The following FOLR1 variants were observed in gnomAD, a reference collection of about 807,000 sequenced individuals.
FOLR1 encodes KB cells FBP.
Under a neutral mutation model 22.8 loss-of-function variants are expected in FOLR1, and 11 were observed. The ratio of observed to expected loss-of-function variants is 0.48; its 90% CI spans 0.30 to 0.80. The LOEUF (loss-of-function observed/expected upper bound fraction) is 0.80. Ranked by LOEUF, FOLR1 falls within the 30% of genes least tolerant of loss-of-function variation. FOLR1 has a pLI of 0.06. For synonymous variants in FOLR1, 108 were observed against 116.5 expected, an observed-to-expected ratio of 0.93 and a Z score of 0.47; for missense variants, 273 against 320.3, an observed-to-expected ratio of 0.85 and a Z score of 1.13.
At chr11:72,190,923 G>A (rs150725298), upstream of FOLR1, among the ~76,000 whole-genome samples, 457 of 152,334 alleles carry the variant, frequency 3.0e-3, 4 homozygotes, top group African/African-American at 0.01. Flanking sequence ...GCTTGTGAGC[G>A]GGAAAGGCAT....
upstream of FOLR1, chr11:72,192,049 G>T (rs1948162764): frequency 7.8e-6 from 8 of 1,023,450 alleles, no homozygotes; most frequent in Non-Finnish European, 1.2e-5. Flanking sequence ...GGAGATGGGG[G>T]CAGGGCTCTA....
At chr11:72,194,852 T>G (rs1483510890) in intron 1 of FOLR1, among the ~76,000 whole-genome samples, 1 of 152,194 alleles carries the variant, frequency 6.6e-6, no homozygotes, top group African/African-American at 2.4e-5. Flanking sequence ...ACAATTTAAA[T>G]TGCTTTTTTA....
At position 72,192,280 on chromosome 11, in the gene FOLR1, T is replaced by C; in HGVS notation, c.107T>C (p.Val36Ala). 1 of 1,614,046 alleles carries C rather than the reference T, an allele frequency of 6.2e-7. No individual in the cohort carries two copies. The highest frequency in any genetic ancestry group is 8.5e-7 in the Non-Finnish European group (1 of 1,179,994). ...IAWARTELLN[V>A]CMNAKHHKEK... ...TGGGCCAGGACTGAGCTTCTCAATG[T>C]CTGCATGAACGCCAAGCACCACAAG... The change falls in exon 1 of 4, where the codon GTC becomes GCC. Residue 36 changes from valine (V) to alanine (A), a missense_variant. By Grantham distance (64) the Val-to-Ala change is moderately conservative. Transcript: ENST00000393676.
chr11:72,195,834 G>T (rs1948223578), intron 3 of FOLR1, 63 bp from the exon 4 acceptor site: 25 of 1,613,976 alleles, frequency 1.5e-5, no homozygotes, highest in Non-Finnish European at 2.0e-5. Context: ...TGGAGTTGTA[G>T]GGCTGGCAGA....
At chr11:72,193,664 G>A (rs1202057129) in intron 1 of FOLR1, among the ~76,000 whole-genome samples, 1 of 152,126 alleles carries the variant, frequency 6.6e-6, no homozygotes. Context: ...GTTTCACCAT[G>A]TTGGCCAGGC....
At position 72,195,865 on chromosome 11, in the gene FOLR1, C is replaced by T. The variant is rs181863843; in HGVS notation, c.494-32C>T. 9.3e-6 allele frequency: 15 copies of T among 1,614,164 alleles called. No homozygotes were observed. In the East Asian group the frequency reaches 2.7e-4, roughly 29 times the overall value. The stretch of plus-strand genomic sequence containing the variant: ...GCAGACCTCAAGATAGTTCCGGGCC[C>T]AGTGGCTAAAGGTCTTCCCTCCTCT... On this transcript the variant is annotated intron_variant, in intron 3 of 3. Transcript: ENST00000393676.
intron 1 of FOLR1, among the ~76,000 whole-genome samples, chr11:72,194,794 C>T (rs1320889571): frequency 2.6e-5 from 4 of 152,240 alleles, no homozygotes; most frequent in Admixed American, 2.6e-4. Context: ...CTTGGCCTCC[C>T]AAAGTGCTGG....
At chr11:72,192,467 G>C (rs985605209) in intron 1 of FOLR1, 126 bp downstream of exon 1, 2 of 936,320 alleles carry the variant, frequency 2.1e-6, no homozygotes, top group African/African-American at 3.2e-5. Flanking sequence ...GCATTAATAT[G>C]GGTGACTATT....
chr11:72,189,813 A>G (rs1292655486), upstream of FOLR1: 1 of 152,186 alleles, frequency 6.6e-6, no homozygotes, highest in African/African-American at 2.4e-5. Context: ...TGGCATTCCC[A>G]CCATGTGTTA....
chr11:72,195,491 A>C lies in FOLR1; in HGVS notation c.357+32A>C, dbSNP rs771232058. On this transcript the variant is annotated intron_variant, in intron 2 of 3. Coordinates refer to ENST00000393676, the MANE Select transcript of FOLR1 (RefSeq NM_016729.3). ...ATGGCTTCCTGCAGGTACAAGACCT[A>C]GCGGAGCAGCTGAGCTTTCCAGGCA... The C allele has an allele frequency of 3.4e-5, 55 of 1,613,744 alleles. 1 individual carries two copies. The East Asian group carries it at 1.2e-3, about 35-fold the overall frequency.
At position 72,192,351 on chromosome 11, in the gene FOLR1, G is replaced by C. The variant is rs781049347; in HGVS notation, c.168+10G>C. On this transcript the variant is annotated intron_variant, in intron 1 of 3. Coordinates refer to ENST00000393676, the MANE Select transcript of FOLR1 (RefSeq NM_016729.3). ...CAAGTTGCATGAGCAGGTGGGCCAG[G>C]GGGTGATCTGGGGTGGTGAGGGACT... 6.2e-7 allele frequency: 1 copy of C among 1,613,612 alleles called. No homozygotes were observed. Among genetic ancestry groups the C allele is most frequent in the Admixed American group, 1.7e-5 (1 of 59,990 alleles).
chr11:72,192,107 A>G, upstream of FOLR1: 1 of 1,590,968 alleles, frequency 6.3e-7, no homozygotes, highest in Admixed American at 1.7e-5. Flanking sequence ...AGCCCTGCAC[A>G]CAACTTAAGG....
chr11:72,190,028 G>A (rs1250388156), upstream of FOLR1, among the ~76,000 whole-genome samples: 2 of 152,228 alleles, frequency 1.3e-5, no homozygotes, highest in South Asian at 4.1e-4. Context: ...AAGGTTGGGT[G>A]TGGGGGTCAT....
At chr11:72,192,119 C>A, upstream of FOLR1, 1 of 1,606,260 alleles carries the variant, frequency 6.2e-7, no homozygotes, top group East Asian at 2.2e-5. Flanking sequence ...AACTTAAGGC[C>A]CCACCTCCGC....
chr11:72,194,191 T>C (rs1206439851), intron 1 of FOLR1, among the ~76,000 whole-genome samples: 1 of 152,338 alleles, frequency 6.6e-6, no homozygotes, highest in East Asian at 1.9e-4. Context: ...TTTGCAGCCA[T>C]CACAAGTTAG....
In FOLR1 at chr11:72,195,637, G is replaced by A. The variant is rs996350831; in HGVS notation, c.383G>A (p.Arg128Gln). ...QQVDQSWRKE[R>Q]VLNVPLCKED... ...GTGGATCAGAGCTGGCGCAAAGAGC[G>A]GGTACTGAACGTGCCCCTGTGCAAA... The change falls in exon 3 of 4, where the codon CGG becomes CAG. Residue 128 changes from arginine (R) to glutamine (Q), a missense_variant. Arg to Gln is a conservative substitution (Grantham distance 43). Coordinates refer to ENST00000393676, the MANE Select transcript of FOLR1 (RefSeq NM_016729.3). 5.6e-6 allele frequency: 9 copies of A among 1,614,218 alleles called. No individual in the cohort carries two copies. Among genetic ancestry groups the A allele is most frequent in the African/African-American group, 1.3e-5 (1 of 75,044 alleles).
chr11:72,191,365 CTT>C (rs5792581), upstream of FOLR1, among the ~76,000 whole-genome samples: 14 of 145,112 alleles, frequency 9.6e-5, no homozygotes, highest in Admixed American at 2.1e-4. Flanking sequence ...TTTTTATAAA[CTT>C]TTTTTTTTTT....
chr11:72,193,030 A>G (rs1239362896), intron 1 of FOLR1, among the ~76,000 whole-genome samples: 1 of 152,112 alleles, frequency 6.6e-6, no homozygotes, highest in Non-Finnish European at 1.5e-5. Context: ...ACTAAAGAAA[A>G]AGCAGAGGAA....
chr11:72,196,230 C>T lies in FOLR1; in HGVS notation c.*53C>T. 6.2e-7 allele frequency: 1 copy of T among 1,602,644 alleles called. No homozygotes were observed. The highest frequency in any genetic ancestry group is 1.7e-5 in the Admixed American group (1 of 59,646). ...ATCCCTGCCCTGTTCAGCCCCACAG[C>T]TCCCAACTATTTGGTTCCTGCTCCA... On this transcript the variant is annotated 3_prime_UTR_variant, in exon 4 of 4. Transcript: ENST00000393676.
Sources: gnomAD v4.1 joint callset for allele counts (sites outside exome capture counted in the v4.1 genomes callset) on GRCh38, gnomAD v4.1.1 for gene constraint, MANE v1.5 for transcripts, NCBI Gene and HGNC (gene_info 2026-07-23, HGNC 2026-07-21) for gene names.